Variants in TSPAN18 observed in about 807,000 individuals in gnomAD.
The protein encoded by TSPAN18 is tetraspanin-18.
Under a neutral mutation model 27.3 loss-of-function variants are expected in TSPAN18, and 14 were observed. That is an observed-to-expected ratio of 0.51 (90% confidence interval 0.34 to 0.80). The LOEUF (loss-of-function observed/expected upper bound fraction) is 0.80, where lower values mean the gene tolerates loss of function less well. Among genes scored for constraint, TSPAN18 ranks in the 30% least tolerant of loss-of-function variants. TSPAN18 has a pLI of 0.01. For missense variants in TSPAN18, 268 were observed against 323.9 expected (o/e 0.83, Z 1.32); for synonymous variants, 143 against 136.5 (o/e 1.05, Z -0.33).
chr11:44,731,287 G>A (rs1032778180), intron 1 of TSPAN18, among the ~76,000 whole-genome samples: 2 of 152,132 alleles, frequency 1.3e-5, no homozygotes, highest in East Asian at 1.9e-4. Flanking sequence ...GCAGCAGTGC[G>A]TGGTGGTTAA....
intron 2 of TSPAN18, among the ~76,000 whole-genome samples, chr11:44,802,518 A>G (rs1275359792): frequency 2.0e-5 from 3 of 152,112 alleles, no homozygotes; most frequent in Admixed American, 2.0e-4. Flanking sequence ...GAGCAAAAGT[A>G]GGAGCCAGAG....
chr11:44,821,420 G>C (rs1398220108), intron 2 of TSPAN18, among the ~76,000 whole-genome samples: 1 of 152,160 alleles, frequency 6.6e-6, no homozygotes, highest in African/African-American at 2.4e-5. Flanking sequence ...ACAAACAGTA[G>C]AATCAGGAAG....
intron 2 of TSPAN18, among the ~76,000 whole-genome samples, chr11:44,794,923 A>G (rs1856313858): frequency 6.6e-6 from 1 of 152,234 alleles, no homozygotes; most frequent in Non-Finnish European, 1.5e-5. Flanking sequence ...AATGCTAGTT[A>G]TTAACATGCA....
At chr11:44,811,492 T>G (rs1856715529) in intron 2 of TSPAN18, among the ~76,000 whole-genome samples, 1 of 150,242 alleles carries the variant, frequency 6.7e-6, no homozygotes, top group South Asian at 2.1e-4. Flanking sequence ...GGAGTCTCGC[T>G]CTTGTTGCCC....
intron 1 of TSPAN18, among the ~76,000 whole-genome samples, chr11:44,732,325 C>T (rs553511361): frequency 3.3e-5 from 5 of 152,330 alleles, no homozygotes; most frequent in Admixed American, 6.5e-5. Context: ...ATCCTGTCTC[C>T]GCCTACAAGG....
intron 3 of TSPAN18, among the ~76,000 whole-genome samples, chr11:44,869,468 A>G (rs1858131926): frequency 2.6e-5 from 4 of 152,196 alleles, no homozygotes; most frequent in Admixed American, 2.6e-4. Context: ...TACAACCAGG[A>G]ACAAGTCAGA....
At chr11:44,879,107 C>T (rs535805460) in intron 3 of TSPAN18, among the ~76,000 whole-genome samples, 42 of 152,250 alleles carry the variant, frequency 2.8e-4, no homozygotes, top group Non-Finnish European at 5.3e-4. Context: ...AACAAGGGAC[C>T]CCCTTGTTTT....
intron 2 of TSPAN18, among the ~76,000 whole-genome samples, chr11:44,789,930 C>T (rs188169727): frequency 3.4e-3 from 518 of 152,308 alleles, no homozygotes; most frequent in African/African-American, 0.012. Flanking sequence ...GAGCTCTTCT[C>T]CAATGCCTGT....
At chr11:44,769,015 C>T (rs1855630973) in intron 2 of TSPAN18, among the ~76,000 whole-genome samples, 1 of 151,606 alleles carries the variant, frequency 6.6e-6, no homozygotes, top group Non-Finnish European at 1.5e-5. Flanking sequence ...CTGCCTCAGC[C>T]TCCCGAATAG....
At chr11:44,854,530 T>G (rs1461591561) in intron 2 of TSPAN18, among the ~76,000 whole-genome samples, 3 of 152,208 alleles carry the variant, frequency 2.0e-5, no homozygotes, top group African/African-American at 7.2e-5. Flanking sequence ...CCTCTTAGAC[T>G]GTGTTCGGCT....
At chr11:44,925,341 C>T (rs530713055) in intron 8 of TSPAN18, among the ~76,000 whole-genome samples, 3 of 152,216 alleles carry the variant, frequency 2.0e-5, no homozygotes, top group Admixed American at 1.3e-4. Context: ...CACACTCAGT[C>T]CTGAGAGTAT....
intron 2 of TSPAN18, among the ~76,000 whole-genome samples, chr11:44,851,523 G>C (rs1053004184): frequency 2.0e-5 from 3 of 151,834 alleles, no homozygotes; most frequent in Non-Finnish European, 2.9e-5. Flanking sequence ...TCAGACAAGG[G>C]GGAAAAACAA....
At chr11:44,917,019 T>G (rs1321463425) in intron 5 of TSPAN18, among the ~76,000 whole-genome samples, 1 of 152,034 alleles carries the variant, frequency 6.6e-6, no homozygotes, top group East Asian at 1.9e-4. Flanking sequence ...TCATGGCGAG[T>G]GCTCCACCCC....
intron 3 of TSPAN18, among the ~76,000 whole-genome samples, chr11:44,896,517 A>G (rs1859058049): frequency 6.6e-6 from 1 of 152,090 alleles, no homozygotes; most frequent in Admixed American, 6.6e-5. Flanking sequence ...TGGGGCAGGC[A>G]GTTGAAGGGC....
At chr11:44,783,984 A>G (rs1480794090) in intron 2 of TSPAN18, among the ~76,000 whole-genome samples, 1 of 152,206 alleles carries the variant, frequency 6.6e-6, no homozygotes, top group Non-Finnish European at 1.5e-5. Context: ...CCAGAGGCAC[A>G]GCCAGGGAGG....
intron 2 of TSPAN18, among the ~76,000 whole-genome samples, chr11:44,821,479 G>A (rs1856927732): frequency 6.6e-6 from 1 of 152,158 alleles, no homozygotes. Flanking sequence ...CCCATATTGG[G>A]ATGATTAGTT....
chr11:44,829,546 A>G (rs1261447521), intron 2 of TSPAN18, among the ~76,000 whole-genome samples: 1 of 152,120 alleles, frequency 6.6e-6, no homozygotes, highest in Non-Finnish European at 1.5e-5. Context: ...GAATAATATT[A>G]TATTGGACAA....
chr11:44,781,720 G>A (rs1178962576), intron 2 of TSPAN18, among the ~76,000 whole-genome samples: 1 of 152,112 alleles, frequency 6.6e-6, no homozygotes, highest in African/African-American at 2.4e-5. Flanking sequence ...ACTTTACTGA[G>A]GTTATCATTT....
chr11:44,749,916 G>A (rs567982091), intron 1 of TSPAN18, among the ~76,000 whole-genome samples: 103 of 152,304 alleles, frequency 6.8e-4, no homozygotes, highest in African/African-American at 2.2e-3. Context: ...GATTACAGGC[G>A]TGAGCCACTG....
Sources: gnomAD v4.1 joint callset for allele counts (sites outside exome capture counted in the v4.1 genomes callset) on GRCh38, gnomAD v4.1.1 for gene constraint, MANE v1.5 for transcripts, NCBI Gene and HGNC (gene_info 2026-07-23, HGNC 2026-07-21) for gene names.